The following SPACA1 variants were observed in gnomAD, a reference collection of about 807,000 sequenced individuals.
SPACA1 encodes sperm acrosome membrane-associated protein 1.
A neutral mutation model predicts 32.6 loss-of-function variants in SPACA1; 17 were observed. That is an observed-to-expected ratio of 0.52 (90% confidence interval 0.36 to 0.78). The LOEUF (loss-of-function observed/expected upper bound fraction) is 0.78. SPACA1 is among the 30% of genes least tolerant of loss of function. The probability of loss-of-function intolerance (pLI) is 0.01; values close to 1 mark genes in which losing one functional copy is unlikely to be tolerated. For missense variants in SPACA1, 363 were observed against 373.4 expected, an observed-to-expected ratio of 0.97 and a Z score of 0.23; for synonymous variants, 140 against 138.1, an observed-to-expected ratio of 1.01 and a Z score of -0.10.
At chr6:88,061,443 C>T (rs1775896313) in intron 5 of SPACA1, among the ~76,000 whole-genome samples, 1 of 152,052 alleles carries the variant, frequency 6.6e-6, no homozygotes, top group South Asian at 2.1e-4. Flanking sequence ...CACACACACA[C>T]ACACACACAC....
chr6:88,064,293 C>T, intron 6 of SPACA1, 74 bp downstream of exon 6: 1 of 1,481,558 alleles, frequency 6.7e-7, no homozygotes, highest in African/African-American at 1.4e-5. Context: ...CAGTGAATTG[C>T]AAAGCCCTGT....
intron 2 of SPACA1, among the ~76,000 whole-genome samples, chr6:88,054,966 C>A (rs575189040): frequency 3.2e-4 from 48 of 152,232 alleles, no homozygotes; most frequent in African/African-American, 1.1e-3. Flanking sequence ...CCATTAAACA[C>A]TAACTTCCTG....
intron 4 of SPACA1, 63 bp from the exon 5 acceptor site, chr6:88,059,390 T>C (rs1376444015): frequency 7.2e-7 from 1 of 1,384,568 alleles, no homozygotes; most frequent in African/African-American, 1.5e-5. Flanking sequence ...GGGAAATAAA[T>C]TGTTTCCTGG....
chr6:88,054,984 C>T (rs1261807475), intron 2 of SPACA1, among the ~76,000 whole-genome samples: 1 of 152,074 alleles, frequency 6.6e-6, no homozygotes, highest in Non-Finnish European at 1.5e-5. Context: ...CTGTTCCCCC[C>T]TCCTCCCAGC....
At chr6:88,057,380 T>C (rs1775825291) in intron 2 of SPACA1, among the ~76,000 whole-genome samples, 1 of 152,232 alleles carries the variant, frequency 6.6e-6, no homozygotes, top group South Asian at 2.1e-4. Context: ...TCCTTTTTCT[T>C]ATGGTAACCA....
intron 5 of SPACA1, among the ~76,000 whole-genome samples, chr6:88,062,086 G>T (rs1255436932): frequency 6.6e-6 from 1 of 152,038 alleles, no homozygotes; most frequent in African/African-American, 2.4e-5. Flanking sequence ...AAGTTATTTT[G>T]AAATAAAAAG....
At chr6:88,048,240 C>T (rs1003005277) in intron 1 of SPACA1, 127 bp downstream of exon 1, 9 of 994,074 alleles carry the variant, frequency 9.1e-6, no homozygotes, top group Non-Finnish European at 1.3e-5. Context: ...TACTTCAGCC[C>T]CGAGTTTGTC....
chr6:88,064,309 A>G, intron 6 of SPACA1, 90 bp downstream of exon 6: 1 of 1,365,202 alleles, frequency 7.3e-7, no homozygotes, highest in South Asian at 1.4e-5. Flanking sequence ...CCTGTCCGTG[A>G]TGTCTCCTAC....
chr6:88,050,858 T>C (rs567283836), intron 1 of SPACA1, among the ~76,000 whole-genome samples: 8 of 152,320 alleles, frequency 5.3e-5, no homozygotes, highest in African/African-American at 1.4e-4. Flanking sequence ...CATTAAGATA[T>C]TAGATTTATG....
intron 2 of SPACA1, among the ~76,000 whole-genome samples, chr6:88,056,040 C>T (rs183073272): frequency 1.3e-5 from 2 of 151,904 alleles, no homozygotes; most frequent in East Asian, 3.9e-4. Flanking sequence ...TTAATTACTT[C>T]GGAATTAAGG....
Position 88,059,446 on chromosome 6 carries a change from TA to T in SPACA1, c.475-4del. 1 of 1,589,004 alleles carries T rather than the reference TA, an allele frequency of 6.3e-7. No individual in the cohort carries two copies. Among genetic ancestry groups the T allele is most frequent in the Non-Finnish European group, 8.5e-7 (1 of 1,170,078 alleles). ...TGATACTTTGTTATTTTTTTCTTTT[TA>T]AATAGCAATCCATTATACTTGTAAA... On this transcript the variant is annotated splice_polypyrimidine_tract_variant and splice_region_variant and intron_variant, in intron 4 of 6. Coordinates refer to ENST00000237201, the MANE Select transcript of SPACA1 (RefSeq NM_030960.3).
At chr6:88,052,386 A>T (rs1459410120) in intron 1 of SPACA1, among the ~76,000 whole-genome samples, 2 of 152,194 alleles carry the variant, frequency 1.3e-5, no homozygotes, top group African/African-American at 4.8e-5. Context: ...TTGGCTTTTA[A>T]TTTGTGTCTC....
At chr6:88,056,360 A>T (rs1242187283) in intron 2 of SPACA1, among the ~76,000 whole-genome samples, 1 of 151,702 alleles carries the variant, frequency 6.6e-6, no homozygotes, top group Non-Finnish European at 1.5e-5. Flanking sequence ...TCTCAAAAAA[A>T]AACTTTGATA....
intron 6 of SPACA1, among the ~76,000 whole-genome samples, chr6:88,064,947 T>C (rs1775955726): frequency 6.7e-6 from 1 of 148,442 alleles, no homozygotes. Flanking sequence ...ATGTATAACA[T>C]ATATATTACC....
chr6:88,066,244 G>A lies in SPACA1; in HGVS notation c.794G>A (p.Ser265Asn), dbSNP rs899139387. 2 of 1,612,732 alleles carry A rather than the reference G, an allele frequency of 1.2e-6. No homozygotes were observed. The highest frequency in any genetic ancestry group is 2.7e-5 in the African/African-American group (2 of 74,878). ...ACACCTGAGGTACAATCCGAGCAGA[G>A]TTCTGTGAGATACAAAGATTCAACT... is the stretch of plus-strand genomic sequence containing the variant. Reference protein sequence around the residue: ...ASTPEVQSEQSSVRYKDSTSL... With the variant: ...ASTPEVQSEQNSVRYKDSTSL... The change falls in exon 7 of 7, where the codon AGT (serine) becomes AAT (asparagine). Residue 265 changes from serine (S) to asparagine (N), a missense_variant. Transcript: ENST00000237201.
intron 1 of SPACA1, among the ~76,000 whole-genome samples, chr6:88,049,310 T>C (rs1376412954): frequency 1.3e-5 from 2 of 152,254 alleles, no homozygotes; most frequent in Non-Finnish European, 2.9e-5. Context: ...TTATTTAGGC[T>C]AAACTCAGGC....
chr6:88,050,211 A>G (rs551743713), intron 1 of SPACA1, among the ~76,000 whole-genome samples: 5 of 152,356 alleles, frequency 3.3e-5, no homozygotes, highest in African/African-American at 1.2e-4. Context: ...TTAGCGAAAC[A>G]GTATGGCACA....
intron 2 of SPACA1, among the ~76,000 whole-genome samples, chr6:88,055,850 A>T (rs1273872907): frequency 6.6e-6 from 1 of 152,178 alleles, no homozygotes; most frequent in East Asian, 1.9e-4. Context: ...ACATACCTGT[A>T]GTCCCAGCTA....
chr6:88,059,392 GT>G, intron 4 of SPACA1, 60 bp from the exon 5 acceptor site: 1 of 1,393,278 alleles, frequency 7.2e-7, no homozygotes, highest in Non-Finnish European at 9.7e-7. Flanking sequence ...GAAATAAATT[GT>G]TTCCTGGTAA....
Sources: gnomAD v4.1 joint callset for allele counts (sites outside exome capture counted in the v4.1 genomes callset) on GRCh38, gnomAD v4.1.1 for gene constraint, MANE v1.5 for transcripts, NCBI Gene and HGNC (gene_info 2026-07-23, HGNC 2026-07-21) for gene names.